CHRDL1: variants seen among roughly 807,000 people sequenced by gnomAD.
The protein encoded by CHRDL1 is chordin-like protein 1.
Under a neutral mutation model 40.9 loss-of-function variants are expected in CHRDL1, and 19 were observed. The observed-to-expected ratio is 0.46, with a 90% CI of 0.32 to 0.68. The LOEUF (loss-of-function observed/expected upper bound fraction) is 0.68. Ranked by LOEUF, CHRDL1 falls within the 30% of genes least tolerant of loss-of-function variation. CHRDL1 has a pLI of 0.03. For missense variants in CHRDL1, 329 were observed against 352.1 expected, an observed-to-expected ratio of 0.93 and a Z score of 0.53; for synonymous variants, 136 against 123.4, an observed-to-expected ratio of 1.10 and a Z score of -0.68.
At chrX:110,707,396 A>G (rs1285538313) in intron 6 of CHRDL1, among the ~76,000 whole-genome samples, 1 of 111,944 alleles carries the variant, frequency 8.9e-6, no homozygotes, top group Non-Finnish European at 1.9e-5. Context: ...AAACTATACT[A>G]CAAGGCTACA....
At chrX:110,693,912 C>T (rs1252399294) in intron 8 of CHRDL1, among the ~76,000 whole-genome samples, 2 of 111,376 alleles carry the variant, frequency 1.8e-5, no homozygotes, top group African/African-American at 3.3e-5. Flanking sequence ...CTACAATCCC[C>T]AGGGATAATT....
At chrX:110,685,704 T>C (rs2067453119) in intron 9 of CHRDL1, among the ~76,000 whole-genome samples, 1 of 111,598 alleles carries the variant, frequency 9.0e-6, no homozygotes, top group Non-Finnish European at 1.9e-5. Flanking sequence ...ATGGCTATAT[T>C]AATATTCCAC....
intron 6 of CHRDL1, among the ~76,000 whole-genome samples, chrX:110,718,661 T>G (rs952930904): frequency 8.9e-6 from 1 of 112,402 alleles, no homozygotes; most frequent in African/African-American, 3.2e-5. Context: ...CTTCTTTTTA[T>G]CTTTCAGGTC....
chrX:110,746,057 G>A (rs1273639046), intron 4 of CHRDL1, among the ~76,000 whole-genome samples: 1 of 111,822 alleles, frequency 8.9e-6, no homozygotes, highest in Non-Finnish European at 1.9e-5. Flanking sequence ...CCATTACTGT[G>A]ACGAACAAAA....
chrX:110,774,059 T>C (rs943446259), intron 2 of CHRDL1, among the ~76,000 whole-genome samples: 6 of 111,926 alleles, frequency 5.4e-5, no homozygotes, highest in Non-Finnish European at 9.4e-5. Context: ...CTTTGTTAAG[T>C]GCAAACACAT....
At chrX:110,729,053 G>C (rs2071109799) in intron 4 of CHRDL1, among the ~76,000 whole-genome samples, 1 of 111,938 alleles carries the variant, frequency 8.9e-6, no homozygotes, top group South Asian at 3.8e-4. Flanking sequence ...CTTGAACCTG[G>C]GAGGTGGAAG....
intron 2 of CHRDL1, among the ~76,000 whole-genome samples, chrX:110,764,890 G>A (rs1405655798): frequency 1.8e-5 from 2 of 111,035 alleles, no homozygotes; most frequent in African/African-American, 3.3e-5. Flanking sequence ...GCTTACTAGG[G>A]TGGGGAAAAA....
At chrX:110,705,364 C>G (rs775949845) in intron 6 of CHRDL1, among the ~76,000 whole-genome samples, 1 of 2,395 alleles carries the variant, frequency 4.2e-4, no homozygotes, top group East Asian at 0.018. Context: ...TACACACACA[C>G]ATATATATAT....
intron 2 of CHRDL1, among the ~76,000 whole-genome samples, chrX:110,786,338 T>A (rs1253183432): frequency 2.7e-5 from 3 of 112,159 alleles, no homozygotes; most frequent in Non-Finnish European, 5.6e-5. Flanking sequence ...CTCTAATGTG[T>A]ATCTAACCTT....
At chrX:110,680,989 G>A (rs1357305983) in intron 10 of CHRDL1, among the ~76,000 whole-genome samples, 1 of 112,100 alleles carries the variant, frequency 8.9e-6, no homozygotes, top group Non-Finnish European at 1.9e-5. Context: ...TGCCCTGAAT[G>A]AATGGGTTTT....
At chrX:110,702,397 G>A (rs2070532309) in intron 6 of CHRDL1, among the ~76,000 whole-genome samples, 1 of 112,160 alleles carries the variant, frequency 8.9e-6, no homozygotes, top group African/African-American at 3.2e-5. Context: ...AAAAGACTAA[G>A]CATCCTGAAG....
At chrX:110,746,593 T>C (rs2089257727) in intron 4 of CHRDL1, among the ~76,000 whole-genome samples, 1 of 111,648 alleles carries the variant, frequency 9.0e-6, no homozygotes, top group Non-Finnish European at 1.9e-5. Context: ...TGCCATTAAT[T>C]TAATGCCTTT....
intron 6 of CHRDL1, among the ~76,000 whole-genome samples, chrX:110,706,712 C>G (rs960617347): frequency 8.9e-6 from 1 of 112,001 alleles, no homozygotes; most frequent in East Asian, 2.8e-4. Context: ...CACTTTTGAA[C>G]CATACATCAT....
chrX:110,762,682 T>G lies in CHRDL1; in HGVS notation c.207+13A>C. On this transcript the variant is annotated intron_variant, in intron 3 of 11. Coordinates refer to ENST00000372042, the MANE Select transcript of CHRDL1 (RefSeq NM_001143981.2). ...GAGCAAACTGGGAAATCACATGTCA[T>G]GAGAGATTGTACCTCTGAGCAGATG... 2.0e-6 allele frequency: 2 copies of G among 1,010,733 alleles called. No homozygotes were observed. The highest frequency in any genetic ancestry group is 2.8e-6 in the Non-Finnish European group (2 of 720,044). The allele number at this position is 1,010,733 out of a possible 1,213,427, so 83.3% of individuals were successfully genotyped here. A position where few individuals can be genotyped will look rare whatever the true frequency, so the allele number is the denominator to read the frequency against.
intron 3 of CHRDL1, among the ~76,000 whole-genome samples, chrX:110,761,800 A>C (rs961224765): frequency 4.4e-5 from 5 of 112,551 alleles, no homozygotes; most frequent in African/African-American, 1.6e-4. Context: ...AGACCATGGG[A>C]AGAAGATGGA....
In CHRDL1 at chrX:110,781,705, T is replaced by C. The variant is rs969372739; in HGVS notation, c.94+10383A>G. 3.6e-5 allele frequency among the ~76,000 whole-genome samples: 4 copies of C among 111,316 alleles called. No homozygotes were observed. In the South Asian group the frequency reaches 1.6e-3, roughly 43 times the overall value. On this transcript the variant is annotated intron_variant, in intron 2 of 11. Transcript: ENST00000372042. ...AGCTATACAAATGTGGGTTTCAAGTTCATTTGCACATTTCTAAAACTCTCT... is the reference window on the plus strand; with the variant it reads ...AGCTATACAAATGTGGGTTTCAAGTCCATTTGCACATTTCTAAAACTCTCT...
At chrX:110,782,155 T>C (rs1354992636) in intron 2 of CHRDL1, among the ~76,000 whole-genome samples, 2 of 111,987 alleles carry the variant, frequency 1.8e-5, no homozygotes, top group African/African-American at 6.5e-5. Flanking sequence ...GTGATAACAA[T>C]AACAAAAACA....
intron 6 of CHRDL1, among the ~76,000 whole-genome samples, chrX:110,711,375 C>A (rs1006608796): frequency 1.8e-5 from 2 of 111,764 alleles, no homozygotes; most frequent in Non-Finnish European, 3.8e-5. Context: ...ATATGGTTAA[C>A]TATACACACA....
At chrX:110,776,131 T>C (rs2089848571) in intron 2 of CHRDL1, among the ~76,000 whole-genome samples, 1 of 112,267 alleles carries the variant, frequency 8.9e-6, no homozygotes, top group Non-Finnish European at 1.9e-5. Context: ...TCCTTTATTA[T>C]GTCAATTAAG....
Sources: gnomAD v4.1 joint callset for allele counts (sites outside exome capture counted in the v4.1 genomes callset) on GRCh38, gnomAD v4.1.1 for gene constraint, MANE v1.5 for transcripts, NCBI Gene and HGNC (gene_info 2026-07-23, HGNC 2026-07-21) for gene names.